The following FFAR4 variants were observed in gnomAD, a reference collection of about 807,000 sequenced individuals.
FFAR4 encodes G-protein coupled receptor 120.
FFAR4 carries 19 observed loss-of-function variants against 27.0 expected under a neutral mutation model. The observed-to-expected ratio is 0.70, with a 90% CI of 0.49 to 1.03. The LOEUF is 1.03. Ranked by LOEUF, FFAR4 falls within the 50% of genes least tolerant of loss-of-function variation. FFAR4 has a pLI of 0.00. For missense variants in FFAR4, 476 were observed against 479.0 expected (o/e 0.99, Z 0.06); for synonymous variants, 254 against 215.6 (o/e 1.18, Z -1.56).
At chr10:93,587,171 A>C in intron 2 of FFAR4, 49 bp from the exon 3 acceptor site, 1 of 1,546,286 alleles carries the variant, frequency 6.5e-7, no homozygotes, top group South Asian at 1.2e-5. Context: ...CAAAATCCCC[A>C]ACAACCCTCG....
intron 1 of FFAR4, among the ~76,000 whole-genome samples, chr10:93,569,889 T>C (rs1213313711): frequency 6.6e-6 from 1 of 151,728 alleles, no homozygotes; most frequent in Non-Finnish European, 1.5e-5. Flanking sequence ...TGAAACCCCA[T>C]CTCTACTAAA....
chr10:93,584,858 C>T (rs968932853), intron 2 of FFAR4, among the ~76,000 whole-genome samples: 6 of 151,996 alleles, frequency 3.9e-5, no homozygotes, highest in Non-Finnish European at 8.8e-5. Flanking sequence ...AGGTGCCCAC[C>T]ACCATACCCT....
intron 2 of FFAR4, chr10:93,579,171 C>T (rs763558978): frequency 4.3e-6 from 7 of 1,614,016 alleles, no homozygotes; most frequent in African/African-American, 1.3e-5. Flanking sequence ...CTCGGAACAC[C>T]TCCTGGATGC....
At chr10:93,586,518 C>T (rs1481412627) in intron 2 of FFAR4, among the ~76,000 whole-genome samples, 1 of 152,202 alleles carries the variant, frequency 6.6e-6, no homozygotes, top group South Asian at 2.1e-4. Flanking sequence ...TGCTACCTCC[C>T]CAAACAAGGC....
intron 1 of FFAR4, among the ~76,000 whole-genome samples, chr10:93,569,247 T>G (rs2058118359): frequency 6.6e-6 from 1 of 152,218 alleles, no homozygotes; most frequent in Non-Finnish European, 1.5e-5. Context: ...GAAGGTATCT[T>G]AAGTTTTCAG....
rs1466032597 is a variant in FFAR4 at position 93,588,098 on chromosome 10, A to G, written c.*489A>G. The G allele has an allele frequency of 6.6e-6, 1 of 152,586 alleles. No homozygotes were observed. Among genetic ancestry groups the G allele is most frequent in the African/African-American group, 2.4e-5 (1 of 41,394 alleles). The allele number at this position is 152,586 out of a possible 1,614,324, so 9.5% of individuals were successfully genotyped here. A position where few individuals can be genotyped will look rare whatever the true frequency, so the allele number is the denominator to read the frequency against. On this transcript the variant is annotated 3_prime_UTR_variant, in exon 3 of 3. Transcript: ENST00000371481. The stretch of plus-strand genomic sequence containing the variant: ...AAGAGTGAAACTCCATCTTAAAAAA[A>G]AAAAAAAAAAGATTTGTTATGGGTT...
chr10:93,574,966 C>A lies in FFAR4; in HGVS notation c.568-1125C>A, dbSNP rs2058155029. ...AAATGTGGAAGGATTTAATGAACTT[C>A]CCCCTACCATGTGTTCACACCAGCC... On this transcript the variant is annotated intron_variant, in intron 1 of 2. Coordinates refer to ENST00000371481, the MANE Select transcript of FFAR4 (RefSeq NM_001195755.2). 7.9e-5 allele frequency among the ~76,000 whole-genome samples: 12 copies of A among 152,322 alleles called. No individual in the cohort carries two copies. The South Asian group carries it at 2.5e-3, about 32-fold the overall frequency.
At chr10:93,575,989 G>T in intron 1 of FFAR4, 102 bp from the exon 2 acceptor site, 1 of 1,139,244 alleles carries the variant, frequency 8.8e-7, no homozygotes, top group Non-Finnish European at 1.3e-6. Flanking sequence ...GTGTAACTGG[G>T]CAATGCAACC....
chr10:93,577,417 A>G (rs1262323528), intron 2 of FFAR4, among the ~76,000 whole-genome samples: 2 of 152,062 alleles, frequency 1.3e-5, no homozygotes, highest in Non-Finnish European at 2.9e-5. Flanking sequence ...AGCCAGGCCA[A>G]CCTCCATCCA....
rs2134560523 is a variant in FFAR4, at chr10:93,588,325, A to G, written c.*716A>G. On this transcript the variant is annotated 3_prime_UTR_variant, in exon 3 of 3. Coordinates refer to ENST00000371481, the MANE Select transcript of FFAR4 (RefSeq NM_001195755.2). ...CCCTGTGCCCTACCTTGGACTCGCA[A>G]GGGTTTAGGATCATTCGTTGATGTC... 2.0e-5 allele frequency: 3 copies of G among 152,236 alleles called. No individual in the cohort carries two copies. The South Asian group carries it at 6.2e-4, about 32-fold the overall frequency. 9.4% of individuals were successfully genotyped at this position (152,236 alleles called of 1,614,324 possible). A position where few individuals can be genotyped will look rare whatever the true frequency, so the allele number is the denominator to read the frequency against.
At chr10:93,567,465 G>T (rs1412530314) in intron 1 of FFAR4, among the ~76,000 whole-genome samples, 178 bp downstream of exon 1, 2 of 152,210 alleles carry the variant, frequency 1.3e-5, no homozygotes, top group Non-Finnish European at 2.9e-5. Flanking sequence ...TCACTACAAC[G>T]CTGTGCACAC....
At chr10:93,576,565 A>G (rs1032099394) in intron 2 of FFAR4, among the ~76,000 whole-genome samples, 1 of 152,214 alleles carries the variant, frequency 6.6e-6, no homozygotes, top group African/African-American at 2.4e-5. Context: ...AAGCTTATGT[A>G]TATGTCATGT....
At chr10:93,575,555 C>T (rs1200636370) in intron 1 of FFAR4, among the ~76,000 whole-genome samples, 13 of 152,172 alleles carry the variant, frequency 8.5e-5, no homozygotes, top group Admixed American at 4.6e-4. Flanking sequence ...TGATGCAGCT[C>T]GACACACTTT....
chr10:93,566,764 G>T lies in FFAR4; in HGVS notation c.44G>T (p.Arg15Leu), dbSNP rs749790298. The T allele has an allele frequency of 6.2e-7, 1 of 1,606,512 alleles. No individual in the cohort carries two copies. Among genetic ancestry groups the T allele is most frequent in the Non-Finnish European group, 8.5e-7 (1 of 1,178,734 alleles). The change falls in exon 1 of 3, where the codon CGC becomes CTC. Residue 15 changes from arginine to leucine, a missense_variant. By Grantham distance (102) the Arg-to-Leu change is moderately radical. Transcript: ENST00000371481. Reference protein sequence around the residue: ...CARAAGDAPLRSLEQANRTRF... With the variant: ...CARAAGDAPLLSLEQANRTRF... ...CGGGCAGCGGGCGACGCGCCCTTGC[G>T]CAGCCTGGAGCAAGCCAACCGCACC... is the stretch of plus-strand genomic sequence containing the variant.
At chr10:93,574,988 A>G (rs2058155571) in intron 1 of FFAR4, among the ~76,000 whole-genome samples, 1 of 152,246 alleles carries the variant, frequency 6.6e-6, no homozygotes. Context: ...TGTTCACACC[A>G]GCCCAGTCTT....
At chr10:93,586,367 C>T (rs1019920769) in intron 2 of FFAR4, among the ~76,000 whole-genome samples, 1 of 152,156 alleles carries the variant, frequency 6.6e-6, no homozygotes, top group African/African-American at 2.4e-5. Flanking sequence ...TTTCCTGAGG[C>T]CTCCCCAGCC....
intron 2 of FFAR4, among the ~76,000 whole-genome samples, chr10:93,585,961 A>G (rs997565007): frequency 1.3e-5 from 2 of 151,994 alleles, no homozygotes; most frequent in Non-Finnish European, 2.9e-5. Flanking sequence ...ACTAGGATCC[A>G]TTTTCTCCCG....
rs760740942 is a variant in FFAR4 at position 93,567,267 on chromosome 10, C to G, written c.547C>G (p.Arg183Gly). The G allele has an allele frequency of 1.3e-6, 2 of 1,599,380 alleles. No individual in the cohort carries two copies. Among genetic ancestry groups the G allele is most frequent in the Non-Finnish European group, 1.7e-6 (2 of 1,179,570 alleles). The part of the protein sequence containing the change: ...LCVFFRVVPQ[R>G]LPGADQEISI... ...CGTCTTCTTCCGAGTCGTCCCGCAA[C>G]GGCTCCCCGGCGCCGACCAGGTGAG... is the stretch of plus-strand genomic sequence containing the variant. Residue 183 changes from arginine to glycine, a missense_variant, in exon 1 of 3, where the codon CGG (arginine) becomes GGG (glycine). Physicochemically the swap from Arg to Gly is moderately radical, Grantham distance 125. Transcript: ENST00000371481.
At chr10:93,573,616 C>T (rs1330927962) in intron 1 of FFAR4, among the ~76,000 whole-genome samples, 2 of 152,198 alleles carry the variant, frequency 1.3e-5, no homozygotes, top group Non-Finnish European at 2.9e-5. Flanking sequence ...CAATACCATA[C>T]AAAACCTTCT....
Sources: gnomAD v4.1 joint callset for allele counts (sites outside exome capture counted in the v4.1 genomes callset) on GRCh38, gnomAD v4.1.1 for gene constraint, MANE v1.5 for transcripts, NCBI Gene and HGNC (gene_info 2026-07-23, HGNC 2026-07-21) for gene names.